SMAGP: variants seen among roughly 807,000 people sequenced by gnomAD.
SMAGP encodes small cell adhesion glycoprotein.
A neutral mutation model predicts 10.1 loss-of-function variants in SMAGP; 7 were observed. The observed-to-expected ratio is 0.70, with a 90% confidence interval of 0.40 to 1.31. The LOEUF (loss-of-function observed/expected upper bound fraction) is 1.31, where lower values mean the gene tolerates loss of function less well. Ranked by LOEUF, SMAGP falls within the 50% of genes most tolerant of loss-of-function variation. SMAGP has a pLI of 0.01. For missense variants in SMAGP, 113 were observed against 116.5 expected, an observed-to-expected ratio of 0.97 and a Z score of 0.14; for synonymous variants, 49 against 47.2, an observed-to-expected ratio of 1.04 and a Z score of -0.16.
At chr12:51,247,821 T>G (rs1215472780) in intron 2 of SMAGP, among the ~76,000 whole-genome samples, 3 of 152,158 alleles carry the variant, frequency 2.0e-5, no homozygotes, top group Non-Finnish European at 4.4e-5. Flanking sequence ...CACGGCCAGC[T>G]TCCCGAGGCT....
chr12:51,248,434 A>ACACACTCTCACTCTCTCTCTCT (rs1188710796), intron 2 of SMAGP, among the ~76,000 whole-genome samples: 4 of 77,560 alleles, frequency 5.2e-5, no homozygotes, highest in African/African-American at 2.0e-4. Context: ...ACACACACAC[A>ACACACTCTCACTCTCTCTCTCT]CTCTCTCTCT....
chr12:51,259,012 C>T (rs1944910681), intron 2 of SMAGP, among the ~76,000 whole-genome samples: 1 of 135,444 alleles, frequency 7.4e-6, no homozygotes, highest in African/African-American at 2.8e-5. Context: ...AAAAAAAAAA[C>T]CTGATAGTTG....
intron 2 of SMAGP, among the ~76,000 whole-genome samples, chr12:51,248,436 T>A (rs7135475): frequency 0.16 from 3,825 of 23,716 alleles, 40 homozygotes; most frequent in East Asian, 0.23. Flanking sequence ...ACACACACAC[T>A]CTCTCTCTCT....
rs1944770961 is a variant in SMAGP, at chr12:51,246,479, ACATATATCCTCGTCCCTACC to A, written c.115+252_115+271del. On this transcript the variant is annotated intron_variant, in intron 3 of 3. Transcript: ENST00000603798. ...CTCTTCCTCACCCACTCAACCAACC[ACATATATCCTCGTCCCTACC>A]CACGTACTCAAGTGTAACGTCCGTA... 9 of 429,214 alleles carry A rather than the reference ACATATATCCTCGTCCCTACC, an allele frequency of 2.1e-5. No individual in the cohort carries two copies. The South Asian group carries it at 4.8e-4, about 23-fold the overall frequency. The allele number at this position is 429,214 out of a possible 1,614,324, so 26.6% of individuals were successfully genotyped here. A position where few individuals can be genotyped will look rare whatever the true frequency, so the allele number is the denominator to read the frequency against.
At chr12:51,264,706 C>T (rs1371918691) in intron 2 of SMAGP, among the ~76,000 whole-genome samples, 6 of 149,250 alleles carry the variant, frequency 4.0e-5, no homozygotes, top group Non-Finnish European at 7.4e-5. Context: ...CCAAGGCAGG[C>T]GGATTGCCTG....
chr12:51,266,587 A>G (rs574142260), intron 2 of SMAGP, among the ~76,000 whole-genome samples: 315 of 152,106 alleles, frequency 2.1e-3, no homozygotes, highest in Non-Finnish European at 3.7e-3. Context: ...TAGTTGTTCT[A>G]TTTTATTATT....
chr12:51,252,284 CG>C (rs1339819486), intron 2 of SMAGP, among the ~76,000 whole-genome samples: 1 of 150,288 alleles, frequency 6.7e-6, no homozygotes, highest in African/African-American at 2.5e-5. Context: ...TTAGTAGAGA[CG>C]GGGTTTCACC....
chr12:51,246,892 G>C, intron 2 of SMAGP, 61 bp from the exon 3 acceptor site: 1 of 1,335,766 alleles, frequency 7.5e-7, no homozygotes, highest in Non-Finnish European at 1.0e-6. Flanking sequence ...GAAAGCATAT[G>C]TTTGGCCTTC....
intron 2 of SMAGP, among the ~76,000 whole-genome samples, chr12:51,252,486 G>A (rs1166496233): frequency 1.3e-5 from 2 of 151,440 alleles, no homozygotes; most frequent in African/African-American, 4.9e-5. Context: ...CCGCCCCCTG[G>A]GTTCAAGCAA....
rs1336147291 is a variant in SMAGP, at chr12:51,246,052, C to A, written c.183G>T (p.Lys61Asn). The A allele has an allele frequency of 1.2e-6, 2 of 1,613,822 alleles. No homozygotes were observed. The highest frequency in any genetic ancestry group is 1.7e-6 in the Non-Finnish European group (2 of 1,179,902). ...VVILIFFYLY[K>N]NKGSYVTYEP... The stretch of plus-strand genomic sequence containing the variant: ...CATAGGTGACGTAGCTGCCTTTGTT[C>A]TTGTACAGGTAAAAGAAGATCAAGA... Residue 61 changes from lysine (K) to asparagine (N), a missense_variant, in exon 4 of 4, where the codon AAG (lysine) becomes AAT (asparagine). By Grantham distance (94) the Lys-to-Asn change is moderately conservative. Transcript: ENST00000603798.
chr12:51,252,545 C>T (rs1464926685), intron 2 of SMAGP, among the ~76,000 whole-genome samples: 1 of 152,128 alleles, frequency 6.6e-6, no homozygotes, highest in African/African-American at 2.4e-5. Context: ...GCATGTGCCA[C>T]CACACCCGGC....
In SMAGP at chr12:51,244,820, CTTTT is replaced by C; in HGVS notation, c.*1117_*1120del. The C allele has an allele frequency of 5.4e-5, 5 of 92,066 alleles. No individual in the cohort carries two copies. The highest frequency in any genetic ancestry group is 3.5e-4 in the East Asian group (1 of 2,840). The allele number at this position is 92,066 out of a possible 1,614,324, so 5.7% of individuals were successfully genotyped here. A position where few individuals can be genotyped will look rare whatever the true frequency, so the allele number is the denominator to read the frequency against. On this transcript the variant is annotated 3_prime_UTR_variant, in exon 4 of 4. Transcript: ENST00000603798. ...TTGAACCAACTCATCTCCCAGGGTA[CTTTT>C]TTTTTTTTTTTTTTTTTTGAGACGG... is the stretch of plus-strand genomic sequence containing the variant.
chr12:51,253,608 AAAAC>A (rs1198617102), intron 2 of SMAGP: 1 of 152,350 alleles, frequency 6.6e-6, no homozygotes, highest in South Asian at 2.1e-4. Flanking sequence ...AAAAAAACAA[AAAAC>A]AAAAAAGGAA....
chr12:51,260,977 G>A (rs539550394), intron 2 of SMAGP, among the ~76,000 whole-genome samples: 27 of 151,476 alleles, frequency 1.8e-4, no homozygotes, highest in Non-Finnish European at 2.9e-4. Flanking sequence ...TTTTAGTAGA[G>A]AGGGGGTTTC....
chr12:51,246,160 G>C, intron 3 of SMAGP, 41 bp from the exon 4 acceptor site: 1 of 1,607,938 alleles, frequency 6.2e-7, no homozygotes, highest in Non-Finnish European at 8.5e-7. Context: ...TTTCAGGATT[G>C]AGGATGTCTC....
At chr12:51,270,080 G>A (rs1291875009) in intron 1 of SMAGP, 176 bp downstream of exon 1, 4 of 151,930 alleles carry the variant, frequency 2.6e-5, no homozygotes, top group Non-Finnish European at 5.9e-5. Context: ...GGAGCGCGCT[G>A]CGCTGGGGGC....
At chr12:51,251,213 T>G (rs917297302) in intron 2 of SMAGP, among the ~76,000 whole-genome samples, 1 of 151,940 alleles carries the variant, frequency 6.6e-6, no homozygotes, top group Admixed American at 6.6e-5. Flanking sequence ...GCAGGAGGAT[T>G]GCTTGAGGCC....
intron 2 of SMAGP, among the ~76,000 whole-genome samples, chr12:51,248,573 CAG>C (rs1267623426): frequency 6.6e-6 from 1 of 152,076 alleles, no homozygotes; most frequent in Non-Finnish European, 1.5e-5. Context: ...CCTCAGGAAA[CAG>C]CATCTCTCCA....
intron 2 of SMAGP, 72 bp from the exon 3 acceptor site, chr12:51,246,903 A>C (rs1944781401): frequency 9.0e-7 from 1 of 1,110,848 alleles, no homozygotes; most frequent in African/African-American, 1.6e-5. Flanking sequence ...TTTGGCCTTC[A>C]AATTTCACCA....
Sources: gnomAD v4.1 joint callset for allele counts (sites outside exome capture counted in the v4.1 genomes callset) on GRCh38, gnomAD v4.1.1 for gene constraint, MANE v1.5 for transcripts, NCBI Gene and HGNC (gene_info 2026-07-23, HGNC 2026-07-21) for gene names.